Variants in BBX observed in about 807,000 individuals in gnomAD.
The protein encoded by BBX is BBX high mobility group box domain containing.
BBX carries 30 observed loss-of-function variants against 100.2 expected under a neutral mutation model. The ratio of observed to expected loss-of-function variants is 0.30; its 90% CI spans 0.22 to 0.41. The LOEUF (loss-of-function observed/expected upper bound fraction) is 0.41, where lower values mean the gene tolerates loss of function less well. BBX is among the 10% of genes least tolerant of loss of function. BBX has a pLI of 1.00. For synonymous variants in BBX, 376 were observed against 388.1 expected (o/e 0.97, Z 0.37); for missense variants, 1,023 against 1,129.8 (o/e 0.91, Z 1.35).
chr3:107,549,384 G>A (rs2049487703), intron 2 of BBX, among the ~76,000 whole-genome samples: 1 of 152,130 alleles, frequency 6.6e-6, no homozygotes, highest in Admixed American at 6.5e-5. Flanking sequence ...GAAAAATAAA[G>A]CAAGGGAAGG....
intron 9 of BBX, among the ~76,000 whole-genome samples, chr3:107,754,709 G>C (rs1024552729): frequency 6.6e-6 from 1 of 152,130 alleles, no homozygotes; most frequent in Non-Finnish European, 1.5e-5. Flanking sequence ...ATAAGAAATA[G>C]CTCTGTTTTT....
At chr3:107,584,088 TC>T (rs374209707) in intron 2 of BBX, among the ~76,000 whole-genome samples, 2 of 6,152 alleles carry the variant, frequency 3.3e-4, no homozygotes, top group Admixed American at 3.0e-3. Flanking sequence ...ATTATATATA[TC>T]ATATATTATA....
At chr3:107,675,863 A>C (rs2059256125) in intron 3 of BBX, among the ~76,000 whole-genome samples, 1 of 152,152 alleles carries the variant, frequency 6.6e-6, no homozygotes, top group African/African-American at 2.4e-5. Flanking sequence ...CTGGATTTGC[A>C]GTCCCTATCA....
At chr3:107,570,373 C>T (rs2051263652) in intron 2 of BBX, among the ~76,000 whole-genome samples, 1 of 152,060 alleles carries the variant, frequency 6.6e-6, no homozygotes, top group Non-Finnish European at 1.5e-5. Context: ...TAATAAAATG[C>T]ATATTGAGAA....
intron 2 of BBX, among the ~76,000 whole-genome samples, chr3:107,556,638 T>G (rs960595431): frequency 2.6e-5 from 4 of 152,196 alleles, no homozygotes; most frequent in African/African-American, 4.8e-5. Flanking sequence ...CAGACTACCT[T>G]AAGTAGTAAT....
intron 2 of BBX, among the ~76,000 whole-genome samples, chr3:107,546,656 C>T (rs1478974497): frequency 6.6e-6 from 1 of 152,096 alleles, no homozygotes; most frequent in African/African-American, 2.4e-5. Context: ...TAAAAAGTTA[C>T]ATTTTACTGT....
chr3:107,713,082 T>A (rs540257251), intron 4 of BBX, among the ~76,000 whole-genome samples: 1 of 152,310 alleles, frequency 6.6e-6, no homozygotes, highest in East Asian at 1.9e-4. Flanking sequence ...CTGGCTGATT[T>A]CTCTCATTTG....
chr3:107,780,932 G>A lies in BBX; in HGVS notation c.2203+2413G>A, dbSNP rs550380742. 3.3e-5 allele frequency among the ~76,000 whole-genome samples: 5 copies of A among 152,048 alleles called. No individual in the cohort carries two copies. The South Asian group carries it at 1.0e-3, about 32-fold the overall frequency. ...AGATCATTAGTTCATTAATAAAAGA[G>A]TATATGTCCATCAGAAACCTAATTT... On this transcript the variant is annotated intron_variant, in intron 13 of 17. Coordinates refer to ENST00000325805, the MANE Select transcript of BBX (RefSeq NM_001142568.3).
intron 2 of BBX, among the ~76,000 whole-genome samples, chr3:107,610,398 C>T (rs2054755294): frequency 1.3e-5 from 2 of 151,850 alleles, no homozygotes; most frequent in Admixed American, 1.3e-4. Context: ...AGATTAAATC[C>T]AATGTTTCTT....
chr3:107,636,906 A>G (rs1356409017), intron 2 of BBX, among the ~76,000 whole-genome samples: 3 of 152,220 alleles, frequency 2.0e-5, no homozygotes, highest in Non-Finnish European at 4.4e-5. Flanking sequence ...GTTTTAATGG[A>G]AAACATAATT....
At chr3:107,729,824 C>CTTT (rs1477655431) in intron 6 of BBX, among the ~76,000 whole-genome samples, 1 of 151,672 alleles carries the variant, frequency 6.6e-6, no homozygotes, top group African/African-American at 2.4e-5. Context: ...TGTGATAACA[C>CTTT]TTTTTTTTTG....
At chr3:107,716,144 A>G (rs1460648957) in intron 4 of BBX, among the ~76,000 whole-genome samples, 9 of 152,216 alleles carry the variant, frequency 5.9e-5, no homozygotes, top group African/African-American at 1.7e-4. Flanking sequence ...AAGCAGAGAA[A>G]GACAAAGGTA....
At chr3:107,541,490 T>G (rs1331118321) in intron 2 of BBX, among the ~76,000 whole-genome samples, 1 of 152,162 alleles carries the variant, frequency 6.6e-6, no homozygotes, top group African/African-American at 2.4e-5. Context: ...ATTTGTGCAT[T>G]TAAATAAGTG....
At chr3:107,604,854 G>T (rs1425573537) in intron 2 of BBX, among the ~76,000 whole-genome samples, 1 of 149,010 alleles carries the variant, frequency 6.7e-6, no homozygotes, top group African/African-American at 2.5e-5. Flanking sequence ...CAAACTGAAT[G>T]CCAGAAATTT....
rs996743256 is a variant in BBX at position 107,638,830 on chromosome 3, C to G, written c.-83-7006C>G. On this transcript the variant is annotated intron_variant, in intron 2 of 17. Transcript: ENST00000325805. ...ACACACACACACACACACACACACA[C>G]ACAGACAAATTAGCCAGGTCTGGTG... Among the ~76,000 whole-genome samples the G allele has an allele frequency of 2.1e-4, 23 of 108,028 alleles. No individual in the cohort carries two copies. In the South Asian group the frequency reaches 5.6e-3, roughly 26 times the overall value. 70.9% of individuals were successfully genotyped at this position (108,028 alleles called of 152,430 possible). A position where few individuals can be genotyped will look rare whatever the true frequency, so the allele number is the denominator to read the frequency against.
intron 7 of BBX, 134 bp downstream of exon 7, chr3:107,733,157 A>G: frequency 1.3e-6 from 1 of 778,530 alleles, no homozygotes; most frequent in Admixed American, 2.9e-5. Context: ...TTTCTCTTTA[A>G]GATCTTTCTG....
At chr3:107,795,248 A>C (rs1004388671) in intron 15 of BBX, among the ~76,000 whole-genome samples, 1 of 152,050 alleles carries the variant, frequency 6.6e-6, no homozygotes, top group Non-Finnish European at 1.5e-5. Context: ...TGCTTTGCCA[A>C]TGTCGTTGGA....
intron 3 of BBX, among the ~76,000 whole-genome samples, chr3:107,706,375 A>G (rs938506972): frequency 2.6e-5 from 4 of 152,076 alleles, no homozygotes; most frequent in Non-Finnish European, 5.9e-5. Flanking sequence ...CTAATCTGTC[A>G]ATTTACATTG....
intron 2 of BBX, among the ~76,000 whole-genome samples, chr3:107,562,503 A>G (rs181003805): frequency 8.5e-5 from 13 of 152,318 alleles, no homozygotes; most frequent in Admixed American, 7.8e-4. Context: ...CATTTTATGT[A>G]GTAATTCATT....
Sources: allele counts gnomAD v4.1 joint callset (sites outside exome capture counted in the v4.1 genomes callset), GRCh38; gene constraint gnomAD v4.1.1; transcripts MANE v1.5; gene names NCBI Gene and HGNC (gene_info 2026-07-23, HGNC 2026-07-21).